The following GRIP1 variants were observed in gnomAD, a reference collection of about 807,000 sequenced individuals.
GRIP1 encodes the protein glutamate receptor-interacting protein 1.
In GRIP1, 45 loss-of-function variants were observed where a neutral mutation model predicts 129.9. The observed-to-expected ratio is 0.35, with a 90% CI of 0.27 to 0.44. The LOEUF is 0.44. GRIP1 is among the 20% of genes least tolerant of loss of function. The pLI is 1.00. For synonymous variants in GRIP1, 530 were observed against 520.8 expected (o/e 1.02, Z -0.24); for missense variants, 1,196 against 1,396.8 (o/e 0.86, Z 2.29).
chr12:67,045,854 A>T (rs2043245449), intron 1 of GRIP1, among the ~76,000 whole-genome samples: 1 of 152,266 alleles, frequency 6.6e-6, no homozygotes, highest in African/African-American at 2.4e-5. Context: ...CAACACTTCA[A>T]CCACATGCCA....
At chr12:66,506,732 T>TA (rs1412087469) in intron 7 of GRIP1, among the ~76,000 whole-genome samples, 4 of 152,164 alleles carry the variant, frequency 2.6e-5, no homozygotes, top group African/African-American at 7.2e-5. Flanking sequence ...TAAAAGTAAC[T>TA]AAAAATTCAT....
intron 22 of GRIP1, among the ~76,000 whole-genome samples, chr12:66,373,140 G>A (rs2055607536): frequency 6.6e-6 from 1 of 151,870 alleles, no homozygotes; most frequent in Middle Eastern, 3.4e-3. Flanking sequence ...CCCAGGCTGG[G>A]GTGCAGTGGT....
chr12:66,458,463 C>A (rs1365499739), intron 9 of GRIP1, among the ~76,000 whole-genome samples: 2 of 152,200 alleles, frequency 1.3e-5, no homozygotes, highest in Admixed American at 1.3e-4. Context: ...CAGCTCACTG[C>A]AAACTCTGCC....
At chr12:66,838,946 C>T (rs1027187638) in intron 1 of GRIP1, among the ~76,000 whole-genome samples, 1 of 152,114 alleles carries the variant, frequency 6.6e-6, no homozygotes, top group East Asian at 1.9e-4. Context: ...AGAGTAGGGG[C>T]AGAAACAATG....
At chr12:67,063,036 T>G (rs2043561830) in intron 1 of GRIP1, among the ~76,000 whole-genome samples, 1 of 152,228 alleles carries the variant, frequency 6.6e-6, no homozygotes, top group Non-Finnish European at 1.5e-5. Flanking sequence ...CAAGGTACTA[T>G]CATACATTCC....
intron 7 of GRIP1, among the ~76,000 whole-genome samples, chr12:66,497,547 G>A (rs1158448689): frequency 6.6e-6 from 1 of 152,166 alleles, no homozygotes; most frequent in Non-Finnish European, 1.5e-5. Context: ...TGAGATAGGG[G>A]TGGCAATTCT....
Position 66,455,489 on chromosome 12 carries a change from A to C in GRIP1, c.1274T>G (p.Leu425Arg). 6.2e-7 allele frequency: 1 copy of C among 1,613,142 alleles called. No homozygotes were observed. The change falls in exon 11 of 25, where the codon CTA becomes CGA. Residue 425 changes from leucine to arginine, a missense_variant. Transcript: ENST00000359742. ...YSLSSLNMGT[L>R]PRSLYSTSPR... is the part of the protein sequence containing the mutation. ...GCTGGTGGAGTAGAGGCTTCGAGGTAGAGTCCCCATGTTCAGGGAACTCAG... is the reference window on the plus strand; with the variant it reads ...GCTGGTGGAGTAGAGGCTTCGAGGTCGAGTCCCCATGTTCAGGGAACTCAG...
chr12:66,669,085 T>C (rs2033942276), intron 1 of GRIP1, among the ~76,000 whole-genome samples: 3 of 152,092 alleles, frequency 2.0e-5, no homozygotes, highest in Admixed American at 2.0e-4. Flanking sequence ...AAAACAAATG[T>C]GTGGGATTGG....
chr12:66,997,118 C>T (rs909836282), intron 1 of GRIP1, among the ~76,000 whole-genome samples: 1 of 152,094 alleles, frequency 6.6e-6, no homozygotes, highest in African/African-American at 2.4e-5. Flanking sequence ...TTTTAAAAAA[C>T]GAAACTTCTG....
intron 1 of GRIP1, among the ~76,000 whole-genome samples, chr12:67,024,432 T>C (rs2042911558): frequency 6.6e-6 from 1 of 151,794 alleles, no homozygotes; most frequent in Non-Finnish European, 1.5e-5. Context: ...ATCAGAGCAA[T>C]GAAAGAAAGT....
chr12:66,696,052 G>A (rs1428943769), intron 1 of GRIP1, among the ~76,000 whole-genome samples: 1 of 151,996 alleles, frequency 6.6e-6, no homozygotes, highest in Admixed American at 6.6e-5. Flanking sequence ...AAATGAAGAG[G>A]GGAAGAGAGA....
At chr12:66,962,451 GT>G (rs2041935197) in intron 1 of GRIP1, among the ~76,000 whole-genome samples, 1 of 152,050 alleles carries the variant, frequency 6.6e-6, no homozygotes, top group Admixed American at 6.6e-5. Context: ...CCTTTGCAAC[GT>G]GCCTGTCTTA....
chr12:66,535,689 C>T (rs11833142), intron 4 of GRIP1, among the ~76,000 whole-genome samples: 41,538 of 152,026 alleles, frequency 0.27, 5,852 homozygotes, highest in Middle Eastern at 0.33. Flanking sequence ...GGTTTGTGAA[C>T]ATAGTCTTAA....
chr12:66,786,483 G>A (rs2038350039), intron 1 of GRIP1, among the ~76,000 whole-genome samples: 1 of 152,134 alleles, frequency 6.6e-6, no homozygotes, highest in Non-Finnish European at 1.5e-5. Context: ...GACTAGTTAG[G>A]CTGTTGCTTT....
In GRIP1 at chr12:66,837,717, G is replaced by A. The variant is rs539112680; in HGVS notation, c.58+231333C>T. 6.6e-5 allele frequency among the ~76,000 whole-genome samples: 10 copies of A among 152,302 alleles called. 1 individual carries two copies. The South Asian group carries it at 2.1e-3, about 32-fold the overall frequency. On this transcript the variant is annotated intron_variant, in intron 1 of 1. Coordinates refer to the GRIP1 transcript ENST00000643019. The stretch of plus-strand genomic sequence containing the variant: ...AGAATAGGCTGAAGAAAGTCTGTAG[G>A]GAGGTAGTTAGAAGCCTATCGCAAT...
intron 6 of GRIP1, 105 bp from the exon 7 acceptor site, chr12:66,515,869 C>G (rs908526735): frequency 2.3e-6 from 2 of 877,782 alleles, no homozygotes; most frequent in South Asian, 2.7e-5. Flanking sequence ...TTCTGCCATC[C>G]ATCTCATTTG....
chr12:66,392,251 G>C, intron 19 of GRIP1, 57 bp downstream of exon 19: 1 of 1,012,300 alleles, frequency 9.9e-7, no homozygotes, highest in Admixed American at 1.7e-5. Context: ...GATGAATCTT[G>C]GAGAAGCATG....
Position 66,814,554 on chromosome 12 carries a change from T to A in GRIP1, c.59-217627A>T, listed in dbSNP as rs531456050. Reference sequence around the variant, plus strand: ...AACAAAGAATTTACTGAATACTTATTATGTGTCCAGCTGCACTAAGTACTA... The same window carrying A: ...AACAAAGAATTTACTGAATACTTATAATGTGTCCAGCTGCACTAAGTACTA... On this transcript the variant is annotated intron_variant, in intron 1 of 1. Transcript: ENST00000643019. Among the ~76,000 whole-genome samples the A allele has an allele frequency of 2.7e-5, 4 of 150,300 alleles. No homozygotes were observed. In the South Asian group the frequency reaches 8.4e-4, roughly 32 times the overall value.
intron 5 of GRIP1, among the ~76,000 whole-genome samples, chr12:66,528,893 T>C (rs1177661711): frequency 1.3e-5 from 2 of 151,966 alleles, no homozygotes; most frequent in African/African-American, 4.8e-5. Context: ...AACCAATACA[T>C]CCAACAAAGG....
Sources: allele counts gnomAD v4.1 joint callset (sites outside exome capture counted in the v4.1 genomes callset), GRCh38; gene constraint gnomAD v4.1.1; transcripts MANE v1.5; gene names NCBI Gene and HGNC (gene_info 2026-07-23, HGNC 2026-07-21).